Variants in SP3 observed in about 807,000 individuals in gnomAD.
SP3 encodes the protein transcription factor Sp3.
A neutral mutation model predicts 70.3 loss-of-function variants in SP3; 10 were observed. The observed-to-expected ratio is 0.14, with a 90% CI of 0.09 to 0.24. SP3 has a LOEUF of 0.24. Among genes scored for constraint, SP3 ranks in the 10% least tolerant of loss-of-function variants. The pLI is 1.00. For synonymous variants in SP3, 402 were observed against 333.5 expected (o/e 1.21, Z -2.24); for missense variants, 825 against 914.6 (o/e 0.90, Z 1.26).
chr2:173,914,282 A>T (rs976732348), intron 5 of SP3: 12 of 151,878 alleles, frequency 7.9e-5, no homozygotes, highest in Non-Finnish European at 1.2e-4. Context: ...GAGTTTTTTT[A>T]AAAAAGTACA....
intron 5 of SP3, chr2:173,916,239 A>G (rs1291973833): frequency 4.6e-5 from 7 of 152,092 alleles, no homozygotes; most frequent in Admixed American, 3.9e-4. Flanking sequence ...TGAAGTCACA[A>G]AAGTTCTAGA....
intron 4 of SP3, among the ~76,000 whole-genome samples, chr2:173,947,353 T>C: frequency 6.6e-6 from 1 of 152,162 alleles, no homozygotes; most frequent in East Asian, 1.9e-4. Context: ...TTCCTAAGCA[T>C]ATTACTATTT....
chr2:173,919,352 G>A (rs1689687903), intron 4 of SP3, among the ~76,000 whole-genome samples: 2 of 152,158 alleles, frequency 1.3e-5, no homozygotes, highest in South Asian at 4.1e-4. Context: ...ATCAATTAAT[G>A]TAGTAAGCCC....
chr2:173,955,324 C>A lies in SP3; in HGVS notation c.1188G>T (p.Gln396His). ...IQVSTAQPVV[Q>H]HLQLQESQQP... ...GCTGAGACTCTTGAAGTTGTAGATG[C>A]TGTACAACAGGCTGTGCTGTAGAAA... Residue 396 changes from glutamine (Q) to histidine (H), a missense_variant, in exon 4 of 7, where the codon CAG (glutamine) becomes CAT (histidine). Gln to His is a conservative substitution (Grantham distance 24, BLOSUM62 0). Transcript: ENST00000310015. 1 of 1,614,066 alleles carries A rather than the reference C, an allele frequency of 6.2e-7. No individual in the cohort carries two copies. The highest frequency in any genetic ancestry group is 8.5e-7 in the Non-Finnish European group (1 of 1,180,016).
In SP3 at chr2:173,963,766, C is replaced by T; in HGVS notation, c.274G>A (p.Gly92Arg). 7.9e-7 allele frequency: 1 copy of T among 1,259,720 alleles called. No individual in the cohort carries two copies. The highest frequency in any genetic ancestry group is 1.0e-6 in the Non-Finnish European group (1 of 981,934). 78.0% of individuals were successfully genotyped at this position (1,259,720 alleles called of 1,614,324 possible). ...AAAAGAPAAAGATGDLASAQL... is the reference protein window; with the variant it reads ...AAAAGAPAAARATGDLASAQL... ...GGGCCGCGCGCGGGACTTACCGCTC[C>T]GGCGGCGGCGGGGGCCCCGGCTGCG... Residue 92 changes from glycine to arginine, a missense_variant, in exon 3 of 7, where the codon GGA (glycine) becomes AGA (arginine). Around this residue, in one of 4 missense-constraint regions of SP3, gnomAD observed 678 missense variants for 651.6 expected, o/e 1.04. Transcript: ENST00000310015.
intron 3 of SP3, among the ~76,000 whole-genome samples, chr2:173,960,573 GAAGT>G (rs1247758112): frequency 6.6e-6 from 1 of 152,180 alleles, no homozygotes; most frequent in East Asian, 1.9e-4. Context: ...TAACTTTTTT[GAAGT>G]AAGCTATTAC....
Position 173,955,817 on chromosome 2 carries a change from C to T in SP3, c.695G>A (p.Gly232Asp), listed in dbSNP as rs1271808679. Residue 232 changes from glycine (G) to aspartate (D), a missense_variant, in exon 4 of 7, where the codon GGT becomes GAT. This residue lies in a region of SP3 where 678 missense variants were observed against 651.6 expected (regional missense o/e 1.04). Transcript: ENST00000310015. ...TGCAACTCCCTGAACCTGGACTTGA[C>T]CAGTCTGTGGTATGAGATTCTGGAT... is the stretch of plus-strand genomic sequence containing the variant. Reference protein sequence around the residue: ...ANIQNLIPQTGQVQVQGVAIG... With the variant: ...ANIQNLIPQTDQVQVQGVAIG... The T allele has an allele frequency of 6.2e-7, 1 of 1,614,180 alleles. No individual in the cohort carries two copies. Among genetic ancestry groups the T allele is most frequent in the Non-Finnish European group, 8.5e-7 (1 of 1,180,038 alleles).
At chr2:173,951,266 A>G (rs971823734) in intron 4 of SP3, among the ~76,000 whole-genome samples, 3 of 152,198 alleles carry the variant, frequency 2.0e-5, no homozygotes, top group African/African-American at 4.8e-5. Flanking sequence ...GTAGTCTGTC[A>G]CTTAACTCAA....
intron 4 of SP3, among the ~76,000 whole-genome samples, chr2:173,922,311 G>A (rs1251214806): frequency 6.6e-6 from 1 of 150,532 alleles, no homozygotes; most frequent in Non-Finnish European, 1.5e-5. Flanking sequence ...TTTAAATCCT[G>A]AGCAACTAGA....
chr2:173,904,093 C>A lies in SP3; in HGVS notation c.*5848G>T, dbSNP rs1230717140. On this transcript the variant is annotated 3_prime_UTR_variant, in exon 7 of 7. Transcript: ENST00000310015. ...GGGCACTACCTAGATCCCTCGCATG[C>A]GGGGTTCACAACGGGGTTCGCACTC... Among the ~76,000 whole-genome samples, 1 of 152,066 alleles carries A rather than the reference C, an allele frequency of 6.6e-6. No individual in the cohort carries two copies. The highest frequency in any genetic ancestry group is 6.5e-5 in the Admixed American group (1 of 15,288).
chr2:173,942,984 G>A (rs926145609), intron 4 of SP3, among the ~76,000 whole-genome samples: 3 of 152,168 alleles, frequency 2.0e-5, no homozygotes, highest in Non-Finnish European at 4.4e-5. Flanking sequence ...GGGAGGATGT[G>A]TGTAGGTTAT....
intron 4 of SP3, among the ~76,000 whole-genome samples, chr2:173,936,320 C>A (rs1395474878): frequency 6.6e-6 from 1 of 152,046 alleles, no homozygotes; most frequent in Non-Finnish European, 1.5e-5. Flanking sequence ...TGCCTGGCCC[C>A]GCTCCTACCT....
At chr2:173,939,873 G>A (rs1000688259) in intron 4 of SP3, among the ~76,000 whole-genome samples, 4 of 151,830 alleles carry the variant, frequency 2.6e-5, no homozygotes, top group Admixed American at 1.3e-4. Context: ...CAGAAAGGAG[G>A]GGGCATGGAA....
chr2:173,941,534 C>T (rs1018063814), intron 4 of SP3, among the ~76,000 whole-genome samples: 2 of 152,100 alleles, frequency 1.3e-5, no homozygotes, highest in East Asian at 3.8e-4. Flanking sequence ...CACCTGAGCC[C>T]GGAAGGTCCA....
At chr2:173,958,990 G>T (rs570705946) in intron 3 of SP3, among the ~76,000 whole-genome samples, 1 of 152,196 alleles carries the variant, frequency 6.6e-6, no homozygotes, top group Admixed American at 6.5e-5. Context: ...GAATAGATTT[G>T]AAAAACATCC....
At chr2:173,926,356 G>A (rs1210338028) in intron 4 of SP3, among the ~76,000 whole-genome samples, 6 of 151,592 alleles carry the variant, frequency 4.0e-5, no homozygotes, top group African/African-American at 7.3e-5. Flanking sequence ...TCTTATTCTC[G>A]GTTTTCATGC....
intron 3 of SP3, among the ~76,000 whole-genome samples, chr2:173,960,989 T>A (rs1691055539): frequency 6.6e-6 from 1 of 151,940 alleles, no homozygotes; most frequent in Admixed American, 6.6e-5. Context: ...AAAATAAAAA[T>A]AAAAATAAAA....
At position 173,965,343 on chromosome 2, in the gene SP3, C is replaced by T. The variant is rs891944474; in HGVS notation, c.-172G>A. 8 of 738,824 alleles carry T rather than the reference C, an allele frequency of 1.1e-5. No homozygotes were observed. The African/African-American group carries it at 1.5e-4, about 14-fold the overall frequency. 45.8% of individuals were successfully genotyped at this position (738,824 alleles called of 1,614,324 possible). ...TGTGCGGGAAACACAAAAGGTGGAGCCTCCAGCCCAAAAGGGGGGAAGAGG... is the reference window on the plus strand; with the variant it reads ...TGTGCGGGAAACACAAAAGGTGGAGTCTCCAGCCCAAAAGGGGGGAAGAGG... On this transcript the variant is annotated 5_prime_UTR_variant, in exon 1 of 7. Coordinates refer to ENST00000310015, the MANE Select transcript of SP3 (RefSeq NM_003111.5).
chr2:173,931,111 T>C (rs1287642841), intron 4 of SP3, among the ~76,000 whole-genome samples: 2 of 152,142 alleles, frequency 1.3e-5, no homozygotes, highest in Admixed American at 6.6e-5. Context: ...AAACAAAAAG[T>C]ACATTAATTT....
Sources: gnomAD v4.1 joint callset for allele counts (sites outside exome capture counted in the v4.1 genomes callset) on GRCh38, gnomAD v4.1.1 for gene constraint, gnomAD v4.1.1 regional missense constraint, MANE v1.5 for transcripts, NCBI Gene and HGNC (gene_info 2026-07-23, HGNC 2026-07-21) for gene names.